Variants in FSIP2 observed in about 807,000 individuals in gnomAD.
FSIP2 encodes the protein fibrous sheath interacting protein 2, also known as fibrous sheath-interacting protein 2.
In FSIP2, 367 loss-of-function variants were observed where a neutral mutation model predicts 510.5. The observed-to-expected ratio is 0.72, with a 90% CI of 0.66 to 0.78. The LOEUF is 0.78. FSIP2 is among the 30% of genes least tolerant of loss of function. The pLI, the probability that FSIP2 is intolerant of heterozygous loss-of-function variation, is 0.00. For synonymous variants in FSIP2, 2,601 were observed against 2,732.2 expected, an observed-to-expected ratio of 0.95 and a Z score of 1.50; for missense variants, 7,594 against 7,901.7, an observed-to-expected ratio of 0.96 and a Z score of 1.48.
chr2:185,812,823 C>G (rs780338048), intron 17 of FSIP2, among the ~76,000 whole-genome samples: 6 of 152,018 alleles, frequency 3.9e-5, no homozygotes, highest in Non-Finnish European at 8.8e-5. Flanking sequence ...ATCTGAAAAA[C>G]TGGTTTATGA....
chr2:185,814,035 A>G lies in FSIP2; in HGVS notation c.20318A>G (p.Gln6773Arg), dbSNP rs772633078. ...TASSSWEEKPQCKKEEKNLVT... is the reference protein window; with the variant it reads ...TASSSWEEKPRCKKEEKNLVT... ...TCTTCATCTTGGGAGGAAAAGCCCC[A>G]GTGTAAGGTAAGTGATAAGCATGAC... is the stretch of plus-strand genomic sequence containing the variant. The change falls in exon 18 of 23, where the codon CAG becomes CGG. Residue 6773 changes from glutamine (Q) to arginine (R), a missense_variant. Gln to Arg is a conservative substitution (Grantham distance 43). Transcript: ENST00000424728. 8 of 1,610,218 alleles carry G rather than the reference A, an allele frequency of 5.0e-6. 1 individual carries two copies. In the South Asian group the frequency reaches 5.5e-5, roughly 11 times the overall value.
intron 3 of FSIP2, among the ~76,000 whole-genome samples, chr2:185,743,618 TTG>T (rs567268677): frequency 6.6e-6 from 1 of 152,206 alleles, no homozygotes; most frequent in Non-Finnish European, 1.5e-5. Context: ...CACTGTATAC[TTG>T]TCAAGAATTA....
Position 185,739,343 on chromosome 2 carries a change from C to G in FSIP2, c.100-3C>G, listed in dbSNP as rs1691873659. The G allele has an allele frequency of 4.6e-6, 7 of 1,525,156 alleles. No individual in the cohort carries two copies. Among genetic ancestry groups the G allele is most frequent in the African/African-American group, 1.4e-5 (1 of 72,036 alleles). The allele number at this position is 1,525,156 out of a possible 1,614,324, so 94.5% of individuals were successfully genotyped here. A position where few individuals can be genotyped will look rare whatever the true frequency, so the allele number is the denominator to read the frequency against. ...GACAAAACTCTCCAATTGTGTCTGA[C>G]AGGGCGTGCACAAAACCCACTTTGC... On this transcript the variant is annotated splice_region_variant and splice_polypyrimidine_tract_variant and intron_variant, in intron 1 of 22. Transcript: ENST00000424728.
At chr2:185,760,723 C>T (rs1043306876) in intron 9 of FSIP2, among the ~76,000 whole-genome samples, 9 of 150,238 alleles carry the variant, frequency 6.0e-5, no homozygotes, top group African/African-American at 1.5e-4. Context: ...TTCTAGAAAG[C>T]GCAAACTAAT....
Position 185,802,390 on chromosome 2 carries a change from T to C in FSIP2, c.13084T>C (p.Phe4362Leu), listed in dbSNP as rs1331836239. Residue 4362 changes from phenylalanine (F) to leucine (L), a missense_variant, in exon 17 of 23, where the codon TTC becomes CTC. By Grantham distance (22) the Phe-to-Leu change is conservative. Coordinates refer to ENST00000424728, the MANE Select transcript of FSIP2 (RefSeq NM_173651.4). ...TCTCTATGATGACAAAGAACAGGCT[T>C]TCTTTTCTTTCAATACAGATATTGT... ...HILYDDKEQA[F>L]FSFNTDIVDE... 6.5e-7 allele frequency: 1 copy of C among 1,532,266 alleles called. No homozygotes were observed. The highest frequency in any genetic ancestry group is 2.0e-5 in the Admixed American group (1 of 50,536). 94.9% of individuals were successfully genotyped at this position (1,532,266 alleles called of 1,614,324 possible).
At chr2:185,825,305 C>T (rs1271575562) in intron 20 of FSIP2, among the ~76,000 whole-genome samples, 2 of 151,738 alleles carry the variant, frequency 1.3e-5, no homozygotes, top group East Asian at 3.9e-4. Flanking sequence ...GAAACCGTTT[C>T]ATACAACCAT....
Position 185,792,051 on chromosome 2 carries a change from T to TCA in FSIP2, c.4915_4916insCA (p.Leu1639SerfsTer14), listed in dbSNP as rs764686369. 2 of 1,533,936 alleles carry TCA rather than the reference T, an allele frequency of 1.3e-6. No individual in the cohort carries two copies. Among genetic ancestry groups the TCA allele is most frequent in the South Asian group, 2.4e-5 (2 of 84,018 alleles). ...ACATGAAGCATCATTTCTGTCTGCT[T>TCA]TATATATGCATGCAAAGAAGGTATC... On this transcript the variant is annotated frameshift_variant, in exon 16 of 23. Coordinates refer to ENST00000424728, the MANE Select transcript of FSIP2 (RefSeq NM_173651.4). LOFTEE classifies it high-confidence loss of function.
rs1230832335 is a variant in FSIP2, at chr2:185,793,561, T to A, written c.6425T>A (p.Ile2142Asn). The A allele has an allele frequency of 6.5e-7, 1 of 1,534,144 alleles. No homozygotes were observed. The highest frequency in any genetic ancestry group is 8.7e-7 in the Non-Finnish European group (1 of 1,145,638). ...TTCATGGAGGGTGCAAATAAGATTA[T>A]TCCTAAGCTTTCAGTTCCTAAATCA... ...EMFMEGANKI[I>N]PKLSVPKSDV... The change falls in exon 16 of 23, where the codon ATT becomes AAT. Residue 2142 changes from isoleucine (I) to asparagine (N), a missense_variant. Transcript: ENST00000424728.
rs1188980970 is a variant in FSIP2, at chr2:185,800,124, T to C, written c.10818T>C (p.Asp3606=). The C allele has an allele frequency of 6.5e-7, 1 of 1,534,010 alleles. No individual in the cohort carries two copies. The change falls in exon 17 of 23, where the codon GAT becomes GAC. Residue 3606 remains aspartate, a synonymous_variant. Coordinates refer to ENST00000424728, the MANE Select transcript of FSIP2 (RefSeq NM_173651.4). ...VSGGFDDLFQ[D]LLVGVIHVLS... ...GTGGCTTTGATGACCTCTTTCAGGA[T>C]CTCTTAGTAGGAGTGATTCATGTAC...
At chr2:185,817,559 C>G (rs920030125) in intron 19 of FSIP2, among the ~76,000 whole-genome samples, 3 of 152,014 alleles carry the variant, frequency 2.0e-5, no homozygotes, top group African/African-American at 7.2e-5. Flanking sequence ...TAAATCTTCA[C>G]TTCGGACTGT....
chr2:185,794,890 G>C lies in FSIP2; in HGVS notation c.7754G>C (p.Arg2585Thr). ...TTACTAATGAAACCATTAAGGTTTA[G>C]AGAAACTAAACAAGCAGGAAAAATA... is the stretch of plus-strand genomic sequence containing the variant. Reference protein sequence around the residue: ...DSLLMKPLRFRETKQAGKISN... With the variant: ...DSLLMKPLRFTETKQAGKISN... The change falls in exon 16 of 23, where the codon AGA (arginine) becomes ACA (threonine). Residue 2585 changes from arginine (R) to threonine (T), a missense_variant. Physicochemically the swap from Arg to Thr is moderately conservative, Grantham distance 71. Transcript: ENST00000424728. 6.5e-7 allele frequency: 1 copy of C among 1,534,386 alleles called. No individual in the cohort carries two copies. The highest frequency in any genetic ancestry group is 8.7e-7 in the Non-Finnish European group (1 of 1,145,686).
rs573840596 is a variant in FSIP2 at position 185,831,687 on chromosome 2, A to G, written c.20518-126A>G. 276 of 670,028 alleles carry G rather than the reference A, an allele frequency of 4.1e-4. 4 individuals are homozygous for G. Among genetic ancestry groups the G allele is most frequent in the South Asian group, 3.4e-3 (195 of 58,030 alleles). The allele number at this position is 670,028 out of a possible 1,614,324, so 41.5% of individuals were successfully genotyped here. On this transcript the variant is annotated intron_variant, in intron 21 of 22. Coordinates refer to ENST00000424728, the MANE Select transcript of FSIP2 (RefSeq NM_173651.4). ...AATTCTTTGAGACTGCAGAGCACAGATATATTTTATGTAAGATGCTGTAGT... is the reference window on the plus strand; with the variant it reads ...AATTCTTTGAGACTGCAGAGCACAGGTATATTTTATGTAAGATGCTGTAGT...
chr2:185,796,374 A>T lies in FSIP2; in HGVS notation c.9238A>T (p.Thr3080Ser). ...TCATTCATTCCATTCACAATTACTT[A>T]CATATGCTGTTAATATCATCAGTGA... ...RVHSFHSQLL[T>S]YAVNIISDML... The change falls in exon 16 of 23, where the codon ACA becomes TCA. Residue 3080 changes from threonine (T) to serine (S), a missense_variant. By Grantham distance (58) the Thr-to-Ser change is moderately conservative (BLOSUM62 1). Transcript: ENST00000424728. 6.5e-7 allele frequency: 1 copy of T among 1,533,768 alleles called. No homozygotes were observed.
Position 185,803,311 on chromosome 2 carries a change from T to C in FSIP2, c.14005T>C (p.Phe4669Leu). 1 of 1,528,712 alleles carries C rather than the reference T, an allele frequency of 6.5e-7. No homozygotes were observed. Among genetic ancestry groups the C allele is most frequent in the South Asian group, 1.2e-5 (1 of 82,702 alleles). 94.7% of individuals were successfully genotyped at this position (1,528,712 alleles called of 1,614,324 possible). ...ACTCATACATTTGATTACAGGGGAA[T>C]TCTCAAAAGCCCAAGTTAGCATTAT... ...EELIHLITGE[F>L]SKAQVSIIDN... Residue 4669 changes from phenylalanine (F) to leucine (L), a missense_variant, in exon 17 of 23, where the codon TTC becomes CTC. Phe to Leu is a conservative substitution (Grantham distance 22). Transcript: ENST00000424728.
At position 185,795,949 on chromosome 2, in the gene FSIP2, C is replaced by T. The variant is rs1321630131; in HGVS notation, c.8813C>T (p.Thr2938Ile). 2.0e-6 allele frequency: 3 copies of T among 1,534,438 alleles called. No individual in the cohort carries two copies. The highest frequency in any genetic ancestry group is 2.6e-6 in the Non-Finnish European group (3 of 1,145,928). Residue 2938 changes from threonine to isoleucine, a missense_variant, in exon 16 of 23, where the codon ACT becomes ATT. Transcript: ENST00000424728. The stretch of plus-strand genomic sequence containing the variant: ...CTATGCTTTCTGTCCCAAATTCCCA[C>T]TCCAGATAGTGAAGAAACTCTATCA... ...LQLCFLSQIP[T>I]PDSEETLSNS...
rs1186051645 is a variant in FSIP2, at chr2:185,803,242, T to C, written c.13936T>C (p.Ser4646Pro). 2 of 1,527,060 alleles carry C rather than the reference T, an allele frequency of 1.3e-6. No homozygotes were observed. Among genetic ancestry groups the C allele is most frequent in the Non-Finnish European group, 1.7e-6 (2 of 1,143,172 alleles). 94.6% of individuals were successfully genotyped at this position (1,527,060 alleles called of 1,614,324 possible). A position where few individuals can be genotyped will look rare whatever the true frequency, so the allele number is the denominator to read the frequency against. The stretch of plus-strand genomic sequence containing the variant: ...GGTAGTAGGCATTGTACAAACAAAA[T>C]CCATAAGAGATTCAGAAGATGAACT... ...HRVVGIVQTK[S>P]IRDSEDELFE... The change falls in exon 17 of 23, where the codon TCC becomes CCC. Residue 4646 changes from serine (S) to proline (P), a missense_variant. Physicochemically the swap from Ser to Pro is moderately conservative, Grantham distance 74. Transcript: ENST00000424728.
chr2:185,745,401 A>T, intron 4 of FSIP2, 28 bp from the exon 5 acceptor site: 1 of 1,370,280 alleles, frequency 7.3e-7, no homozygotes, highest in Non-Finnish European at 9.9e-7. Context: ...AGCATTATAT[A>T]TATGTAATAC....
At chr2:185,753,920 T>C in intron 8 of FSIP2, 78 bp downstream of exon 8, 1 of 968,078 alleles carries the variant, frequency 1.0e-6, no homozygotes, top group Non-Finnish European at 1.4e-6. Flanking sequence ...TGTAATACTC[T>C]GTGTATTTAC....
chr2:185,806,001 GAAGAA>G lies in FSIP2; in HGVS notation c.16702_16706del (p.Arg5568PhefsTer6), dbSNP rs757224101. 3.2e-6 allele frequency: 5 copies of G among 1,555,802 alleles called. No homozygotes were observed. The highest frequency in any genetic ancestry group is 4.3e-6 in the Non-Finnish European group (5 of 1,154,222). On this transcript the variant is annotated frameshift_variant, in exon 17 of 23. Coordinates refer to ENST00000424728, the MANE Select transcript of FSIP2 (RefSeq NM_173651.4). LOFTEE classifies it high-confidence loss of function. ...AAACATTTAATAATAATGAAATTGA[GAAGAA>G]AAGAAATTTAATTCCAACAGATAAA...
Sources: gnomAD v4.1 joint callset for allele counts (sites outside exome capture counted in the v4.1 genomes callset) on GRCh38, gnomAD v4.1.1 for gene constraint, MANE v1.5 for transcripts, NCBI Gene and HGNC (gene_info 2026-07-23, HGNC 2026-07-21) for gene names.